Variants in ZNF44 observed in about 807,000 individuals in gnomAD.
The protein encoded by ZNF44 is gonadotropin inducible transcription repressor-2.
ZNF44 carries 9 observed loss-of-function variants against 11.7 expected under a neutral mutation model. The ratio of observed to expected loss-of-function variants is 0.77; its 90% confidence interval spans 0.46 to 1.35. ZNF44 has a LOEUF of 1.35. Among genes scored for constraint, ZNF44 ranks in the 40% most tolerant of loss-of-function variants. The pLI, the probability that ZNF44 is intolerant of heterozygous loss-of-function variation, is 0.00. For synonymous variants in ZNF44, 224 were observed against 242.7 expected, an observed-to-expected ratio of 0.92 and a Z score of 0.72; for missense variants, 696 against 743.1, an observed-to-expected ratio of 0.94 and a Z score of 0.74.
downstream of ZNF44, chr19:12,247,628 C>T: frequency 1.5e-6 from 2 of 1,337,966 alleles, no homozygotes; most frequent in African/African-American, 3.0e-5. Context: ...TTGCAGTGTG[C>T]ATCCTTTCAT....
At chr19:12,260,760 C>A (rs951219047) in intron 5 of ZNF44, among the ~76,000 whole-genome samples, 2 of 152,174 alleles carry the variant, frequency 1.3e-5, no homozygotes, top group African/African-American at 2.4e-5. Context: ...TCAGCTGAAC[C>A]TAGAACCAGA....
chr19:12,279,233 T>C (rs1193701843), intron 1 of ZNF44, among the ~76,000 whole-genome samples: 1 of 152,048 alleles, frequency 6.6e-6, no homozygotes, highest in Non-Finnish European at 1.5e-5. Context: ...ACTAAACAAA[T>C]GAATAGGCCA....
exon 6 of ZNF44, chr19:12,250,278 C>T (rs1252566187): frequency 7.3e-7 from 1 of 1,366,022 alleles, no homozygotes; most frequent in Non-Finnish European, 9.8e-7. Flanking sequence ...TCCCACATCA[C>T]GTCTCTGTAG....
downstream of ZNF44, among the ~76,000 whole-genome samples, chr19:12,268,321 T>C (rs1917819167): frequency 6.6e-6 from 1 of 152,244 alleles, no homozygotes; most frequent in Admixed American, 6.5e-5. Context: ...TGCAGGTTAA[T>C]ATCCAGTTGT....
chr19:12,270,597 G>A (rs778044587), downstream of ZNF44, among the ~76,000 whole-genome samples: 127 of 152,032 alleles, frequency 8.4e-4, no homozygotes, highest in African/African-American at 2.7e-3. Context: ...GACTACATGC[G>A]CATGACACCA....
chr19:12,251,738 C>G (rs1403442297), intron 5 of ZNF44, among the ~76,000 whole-genome samples: 1 of 152,032 alleles, frequency 6.6e-6, no homozygotes, highest in African/African-American at 2.4e-5. Flanking sequence ...ACTTGCTGAC[C>G]TTGAGGAACA....
intron 1 of ZNF44, among the ~76,000 whole-genome samples, chr19:12,279,342 G>A (rs1967369911): frequency 6.6e-6 from 1 of 152,122 alleles, no homozygotes. Context: ...GCAACATAGT[G>A]AGATTCTGTC....
chr19:12,248,636 A>T, exon 8 of ZNF44: 3 of 1,310,688 alleles, frequency 2.3e-6, no homozygotes, highest in Non-Finnish European at 3.0e-6. Context: ...CTCCGCCATG[A>T]CTACCTTCTT....
chr19:12,253,681 A>G (rs1484216684), intron 5 of ZNF44, among the ~76,000 whole-genome samples: 1 of 152,088 alleles, frequency 6.6e-6, no homozygotes, highest in Non-Finnish European at 1.5e-5. Context: ...TAGGCAGAAA[A>G]AAAAACAGGA....
chr19:12,272,891 T>C lies in ZNF44; in HGVS notation c.1364A>G (p.Lys455Arg). ...GEQPYKCKCG[K>R]AFSDLFSFQS... ...AAAGGAAAATAAATCACTAAAAGCT[T>C]TTCCACATTTACATTTATAGGGTTG... is the stretch of plus-strand genomic sequence containing the variant. Residue 455 changes from lysine to arginine, a missense_variant, in exon 4 of 4, where the codon AAA (lysine) becomes AGA (arginine). By Grantham distance (26) the Lys-to-Arg change is conservative. Coordinates refer to ENST00000355684, the MANE Select transcript of ZNF44 (RefSeq NM_016264.4). 7.4e-6 allele frequency: 12 copies of C among 1,614,126 alleles called. No individual in the cohort carries two copies. The highest frequency in any genetic ancestry group is 1.0e-5 in the Non-Finnish European group (12 of 1,180,024).
intron 1 of ZNF44, chr19:12,284,712 G>A: frequency 1.4e-6 from 1 of 734,940 alleles, no homozygotes; most frequent in Admixed American, 2.0e-5. Flanking sequence ...CAATGGCCAT[G>A]TCCGTCTGGG....
At chr19:12,230,489 C>T (rs2459020) in exon 3 of ZNF44, 62,260 of 152,102 alleles carry the variant, frequency 0.41, 16,982 homozygotes, top group African/African-American at 0.79. Flanking sequence ...CTGATGTTAA[C>T]GTTCCAGTTG....
intron 2 of ZNF44, among the ~76,000 whole-genome samples, 190 bp from the exon 3 acceptor site, chr19:12,275,223 C>T (rs184743976): frequency 1.4e-4 from 22 of 152,318 alleles, no homozygotes; most frequent in African/African-American, 5.1e-4. Context: ...ACCCCTGAGA[C>T]AGCAATATCA....
At chr19:12,265,227 G>A (rs1456121652) in intron 5 of ZNF44, among the ~76,000 whole-genome samples, 1 of 152,000 alleles carries the variant, frequency 6.6e-6, no homozygotes, top group African/African-American at 2.4e-5. Context: ...GCAACATAAA[G>A]AGGCACGCTC....
chr19:12,225,649 A>G (rs991447948), downstream of ZNF44, among the ~76,000 whole-genome samples: 1 of 152,212 alleles, frequency 6.6e-6, no homozygotes, highest in East Asian at 1.9e-4. Flanking sequence ...GTGCTACAGT[A>G]TATAGTCCTA....
At chr19:12,293,403 TC>T (rs2145777549) in intron 1 of ZNF44, 1 of 1,531,328 alleles carries the variant, frequency 6.5e-7, no homozygotes, top group African/African-American at 1.4e-5. Context: ...TGGGCTGAGG[TC>T]ACATCACCCT....
chr19:12,292,630 G>A (rs1008732430), intron 1 of ZNF44, among the ~76,000 whole-genome samples: 1 of 152,022 alleles, frequency 6.6e-6, no homozygotes, highest in African/African-American at 2.4e-5. Context: ...CACATTCCTA[G>A]GAGACACTGC....
At chr19:12,246,688 T>G (rs1001816100), downstream of ZNF44, among the ~76,000 whole-genome samples, 10 of 152,288 alleles carry the variant, frequency 6.6e-5, no homozygotes, top group East Asian at 1.9e-3. Flanking sequence ...AATGTTCATT[T>G]ATGAAAATAA....
chr19:12,246,741 CT>C (rs1260130913), downstream of ZNF44, among the ~76,000 whole-genome samples: 1 of 152,048 alleles, frequency 6.6e-6, no homozygotes, highest in Non-Finnish European at 1.5e-5. Flanking sequence ...GAATGTGGCA[CT>C]AAGCCAGGCA....
Sources: gnomAD v4.1 joint callset for allele counts (sites outside exome capture counted in the v4.1 genomes callset) on GRCh38, gnomAD v4.1.1 for gene constraint, MANE v1.5 for transcripts, NCBI Gene and HGNC (gene_info 2026-07-23, HGNC 2026-07-21) for gene names.